Variants in PRKN observed in about 807,000 individuals in gnomAD.
The protein encoded by PRKN is parkin RBR E3 ubiquitin protein ligase.
A neutral mutation model predicts 59.5 loss-of-function variants in PRKN; 56 were observed. The observed-to-expected ratio is 0.94, with a 90% CI of 0.76 to 1.18. The LOEUF (loss-of-function observed/expected upper bound fraction) is 1.18. Ranked by LOEUF, PRKN falls within the 50% of genes most tolerant of loss-of-function variation. The pLI is 0.00. For missense variants in PRKN, 657 were observed against 596.4 expected, an observed-to-expected ratio of 1.10 and a Z score of -1.06; for synonymous variants, 250 against 222.1, an observed-to-expected ratio of 1.13 and a Z score of -1.12.
intron 3 of PRKN, among the ~76,000 whole-genome samples, chr6:162,246,610 GT>G (rs951431068): frequency 7.9e-5 from 12 of 152,078 alleles, no homozygotes; most frequent in African/African-American, 2.7e-4. Flanking sequence ...CAATGGAACA[GT>G]TTTAATAATT....
intron 6 of PRKN, among the ~76,000 whole-genome samples, chr6:161,828,524 G>A: frequency 6.6e-6 from 1 of 152,140 alleles, no homozygotes; most frequent in East Asian, 1.9e-4. Context: ...CTGCCCAAAG[G>A]GGCTGCTGGT....
At position 161,645,749 on chromosome 6, in the gene PRKN, C is replaced by T. The variant is rs188412367; in HGVS notation, c.872-76333G>A. On this transcript the variant is annotated intron_variant, in intron 7 of 11. Transcript: ENST00000366898. Reference sequence around the variant, plus strand: ...TCCATCACTTTGTATTGCATGGACACGGGGTTTAAGAGCAGAATAATGGCA... The same window carrying T: ...TCCATCACTTTGTATTGCATGGACATGGGGTTTAAGAGCAGAATAATGGCA... 1.1e-3 allele frequency among the ~76,000 whole-genome samples: 175 copies of T among 152,308 alleles called. 1 individual carries two copies. Among genetic ancestry groups the T allele is most frequent in the Non-Finnish European group, 1.8e-3 (125 of 68,028 alleles).
intron 6 of PRKN, among the ~76,000 whole-genome samples, chr6:161,788,861 T>C (rs1459690878): frequency 1.3e-5 from 2 of 152,212 alleles, no homozygotes; most frequent in African/African-American, 2.4e-5. Context: ...TTACTATACA[T>C]ACACAGTCAA....
At chr6:162,060,606 T>C (rs1778062289) in intron 4 of PRKN, among the ~76,000 whole-genome samples, 2 of 152,208 alleles carry the variant, frequency 1.3e-5, no homozygotes, top group South Asian at 4.1e-4. Flanking sequence ...AGTGGAAAAT[T>C]GAAGTATGTA....
chr6:161,867,467 C>T (rs1319193298), intron 6 of PRKN, among the ~76,000 whole-genome samples: 1 of 152,142 alleles, frequency 6.6e-6, no homozygotes, highest in African/African-American at 2.4e-5. Flanking sequence ...AGACTGCTGG[C>T]CACATTTAGT....
chr6:161,466,780 T>G lies in PRKN; in HGVS notation c.1084-79903A>C, dbSNP rs1790498064. Among the ~76,000 whole-genome samples, 1 of 152,186 alleles carries G rather than the reference T, an allele frequency of 6.6e-6. No homozygotes were observed. Among genetic ancestry groups the G allele is most frequent in the Admixed American group, 6.6e-5 (1 of 15,264 alleles). On this transcript the variant is annotated intron_variant, in intron 9 of 11. Coordinates refer to ENST00000366898, the MANE Select transcript of PRKN (RefSeq NM_004562.3). This position sits in a 1 kb window ranked among gnomAD's most constrained non-coding sequence, Gnocchi z 5.0. The stretch of plus-strand genomic sequence containing the variant: ...GTGATTGATAGATTTATTTCAAAGC[T>G]GTCAAGTAGAGCCCAAAAAGAGTGG...
chr6:162,034,231 A>G (rs552597807), intron 5 of PRKN, among the ~76,000 whole-genome samples: 1 of 147,684 alleles, frequency 6.8e-6, no homozygotes, highest in Admixed American at 6.8e-5. Flanking sequence ...TGTCTACTAC[A>G]TGTCAGGTAC....
At chr6:162,584,901 C>T (rs1233057278) in intron 1 of PRKN, among the ~76,000 whole-genome samples, 1 of 87,030 alleles carries the variant, frequency 1.1e-5, no homozygotes, top group Non-Finnish European at 2.4e-5. Flanking sequence ...CCTCCCCTCT[C>T]CTCTTCTCTT....
At chr6:162,647,088 C>A (rs561848819) in intron 1 of PRKN, among the ~76,000 whole-genome samples, 1 of 152,084 alleles carries the variant, frequency 6.6e-6, no homozygotes, top group Admixed American at 6.6e-5. Flanking sequence ...AAGCTTCTTC[C>A]CCTTCCCTCT....
chr6:161,573,647 C>G (rs1985759), intron 7 of PRKN, among the ~76,000 whole-genome samples: 9,538 of 141,284 alleles, frequency 0.068, 434 homozygotes, highest in African/African-American at 0.14. Context: ...GTGAACCCGG[C>G]AGGCGGAGCT....
intron 2 of PRKN, among the ~76,000 whole-genome samples, chr6:162,365,560 C>T (rs1785392863): frequency 1.3e-5 from 2 of 152,008 alleles, no homozygotes; most frequent in Admixed American, 1.3e-4. Flanking sequence ...TCTTTGTGCC[C>T]CTGGCCTTTC....
chr6:161,423,755 C>T lies in PRKN; in HGVS notation c.1084-36878G>A, dbSNP rs1445722176. On this transcript the variant is annotated intron_variant, in intron 9 of 11. Coordinates refer to ENST00000366898, the MANE Select transcript of PRKN (RefSeq NM_004562.3). The surrounding 1 kb of genome is among the most constrained non-coding windows in gnomAD (Gnocchi z 5.9). ...CCTGGTCTCATAGGCTACACACAAC[C>T]ACTATCATCTTTCTCCACCATTTGT... Among the ~76,000 whole-genome samples the T allele has an allele frequency of 6.6e-6, 1 of 152,162 alleles. No homozygotes were observed. Among genetic ancestry groups the T allele is most frequent in the African/African-American group, 2.4e-5 (1 of 41,424 alleles).
At chr6:161,557,521 G>A (rs146142756) in intron 8 of PRKN, among the ~76,000 whole-genome samples, 13 of 152,172 alleles carry the variant, frequency 8.5e-5, no homozygotes, top group African/African-American at 2.6e-4. Flanking sequence ...AAAGGAACAT[G>A]GGTAGTCACC....
chr6:162,542,980 C>A (rs1419148359), intron 1 of PRKN, among the ~76,000 whole-genome samples: 2 of 152,242 alleles, frequency 1.3e-5, no homozygotes, highest in East Asian at 1.9e-4. Flanking sequence ...TCGACTCCCC[C>A]CAGGACTGCT....
intron 2 of PRKN, among the ~76,000 whole-genome samples, chr6:162,362,944 C>T (rs902830790): frequency 1.3e-5 from 2 of 151,390 alleles, no homozygotes; most frequent in African/African-American, 2.4e-5. Context: ...CTGACTAACA[C>T]GGTGAAATCC....
intron 6 of PRKN, among the ~76,000 whole-genome samples, chr6:161,828,488 C>G (rs563085496): frequency 1.3e-5 from 2 of 152,084 alleles, no homozygotes; most frequent in African/African-American, 4.8e-5. Flanking sequence ...TTCCTGTGGG[C>G]CCCCCGACCT....
chr6:161,972,002 G>C (rs1780830036), intron 6 of PRKN, among the ~76,000 whole-genome samples: 1 of 152,082 alleles, frequency 6.6e-6, no homozygotes, highest in African/African-American at 2.4e-5. Flanking sequence ...GGCTGGGTGC[G>C]GCAGCTCACG....
At chr6:162,356,747 T>TAAAAAAAAAAAAAAAAAAAAAGAAAAAAA (rs1784879629) in intron 2 of PRKN, among the ~76,000 whole-genome samples, 1 of 73,066 alleles carries the variant, frequency 1.4e-5, no homozygotes, top group Non-Finnish European at 2.7e-5. Context: ...TGATTATTAG[T>TAAAAAAAAAAAAAAAAAAAAAGAAAAAAA]AAAAAAAAAA....
At chr6:162,238,827 T>G (rs2128090250) in intron 3 of PRKN, among the ~76,000 whole-genome samples, 1 of 152,238 alleles carries the variant, frequency 6.6e-6, no homozygotes, top group South Asian at 2.1e-4. Context: ...CACAGCTGTG[T>G]GGGCAGCAAG....
Sources: allele counts gnomAD v4.1 joint callset (sites outside exome capture counted in the v4.1 genomes callset), GRCh38; gene constraint gnomAD v4.1.1; non-coding constraint Gnocchi (gnomAD v3.1); transcripts MANE v1.5; gene names NCBI Gene and HGNC (gene_info 2026-07-23, HGNC 2026-07-21).